CLNK: variants seen among roughly 807,000 people sequenced by gnomAD.
CLNK encodes the protein cytokine dependent hematopoietic cell linker.
CLNK carries 74 observed loss-of-function variants against 68.6 expected under a neutral mutation model. The ratio of observed to expected loss-of-function variants is 1.08; its 90% CI spans 0.89 to 1.31. CLNK has a LOEUF of 1.31. Among genes scored for constraint, CLNK ranks in the 50% most tolerant of loss-of-function variants. CLNK has a pLI of 0.00. For missense variants in CLNK, 553 were observed against 515.3 expected (o/e 1.07, Z -0.71); for synonymous variants, 198 against 172.2 (o/e 1.15, Z -1.17).
intron 1 of CLNK, among the ~76,000 whole-genome samples, chr4:10,668,646 G>A (rs1724505023): frequency 6.6e-6 from 1 of 152,192 alleles, no homozygotes; most frequent in African/African-American, 2.4e-5. Flanking sequence ...TCTGGGAGTG[G>A]TAACAAAAGG....
At chr4:10,621,906 T>C (rs1722474473) in intron 2 of CLNK, among the ~76,000 whole-genome samples, 1 of 152,216 alleles carries the variant, frequency 6.6e-6, no homozygotes, top group Admixed American at 6.5e-5. Context: ...GGATCAGCAC[T>C]GTGCCATTTA....
At chr4:10,642,093 A>G (rs189497686) in intron 2 of CLNK, among the ~76,000 whole-genome samples, 1 of 152,212 alleles carries the variant, frequency 6.6e-6, no homozygotes. Flanking sequence ...ACACCTACCT[A>G]ATGTATGAGA....
chr4:10,691,664 A>G, the CLNK span, among the ~76,000 whole-genome samples: 1 of 152,086 alleles, frequency 6.6e-6, no homozygotes, highest in Non-Finnish European at 1.5e-5. Flanking sequence ...GGTTAAAAAC[A>G]CTGTAGTATT....
intron 3 of CLNK, among the ~76,000 whole-genome samples, chr4:10,586,771 C>T (rs1720984546): frequency 6.6e-6 from 1 of 152,166 alleles, no homozygotes. Flanking sequence ...AAGTGCTCGT[C>T]TCACTGTATC....
intron 8 of CLNK, among the ~76,000 whole-genome samples, 156 bp from the exon 9 acceptor site, chr4:10,542,436 C>G (rs961021935): frequency 6.6e-6 from 1 of 152,048 alleles, no homozygotes; most frequent in Non-Finnish European, 1.5e-5. Context: ...CAGAATAATG[C>G]TAAACTCTTT....
chr4:10,727,956 C>G, the CLNK span, among the ~76,000 whole-genome samples: 1 of 152,164 alleles, frequency 6.6e-6, no homozygotes. Flanking sequence ...ATTCTGCATA[C>G]TGTGCTCAAG....
chr4:10,620,103 G>A (rs1409458927), intron 2 of CLNK, among the ~76,000 whole-genome samples: 16 of 152,152 alleles, frequency 1.1e-4, no homozygotes. Context: ...TCAAGAAAAG[G>A]GGAGAGAACT....
intron 2 of CLNK, among the ~76,000 whole-genome samples, chr4:10,659,063 G>A (rs914078853): frequency 3.9e-5 from 6 of 152,132 alleles, no homozygotes; most frequent in African/African-American, 1.4e-4. Flanking sequence ...AATGAGCTGG[G>A]CATGGTGGTA....
the CLNK span, among the ~76,000 whole-genome samples, chr4:10,710,517 C>T: frequency 2.0e-5 from 3 of 152,194 alleles, no homozygotes; most frequent in Admixed American, 1.3e-4. Flanking sequence ...GATTATGTGC[C>T]AGACACTGTG....
chr4:10,552,504 C>T (rs1719502490), intron 8 of CLNK, among the ~76,000 whole-genome samples: 1 of 152,150 alleles, frequency 6.6e-6, no homozygotes, highest in African/African-American at 2.4e-5. Flanking sequence ...GCATGCGTGT[C>T]TGACACCCAT....
At chr4:10,734,270 C>T in the CLNK span, among the ~76,000 whole-genome samples, 30 of 152,336 alleles carry the variant, frequency 2.0e-4, no homozygotes, top group African/African-American at 6.7e-4. Context: ...TTGTTGCATG[C>T]AATGCTATAA....
At chr4:10,545,712 C>G (rs1719201419) in intron 8 of CLNK, among the ~76,000 whole-genome samples, 1 of 152,170 alleles carries the variant, frequency 6.6e-6, no homozygotes, top group Non-Finnish European at 1.5e-5. Flanking sequence ...TTGCATGTCT[C>G]CACTCCTGTG....
At chr4:10,620,934 C>T (rs1722424463) in intron 2 of CLNK, among the ~76,000 whole-genome samples, 1 of 118,490 alleles carries the variant, frequency 8.4e-6, no homozygotes, top group African/African-American at 2.9e-5. Context: ...AGCCCCGTCT[C>T]TACTAAAAAT....
intron 2 of CLNK, among the ~76,000 whole-genome samples, chr4:10,631,790 G>C (rs1722900292): frequency 6.6e-6 from 1 of 152,236 alleles, no homozygotes; most frequent in African/African-American, 2.4e-5. Context: ...GCAACTCTAT[G>C]ACATAGAAGT....
At chr4:10,689,063 T>C (rs953498522), upstream of CLNK, among the ~76,000 whole-genome samples, 2 of 152,074 alleles carry the variant, frequency 1.3e-5, no homozygotes, top group Non-Finnish European at 2.9e-5. Context: ...AAATAAAAGA[T>C]GGCAAAACCT....
chr4:10,537,417 G>T (rs1425735897), intron 11 of CLNK, among the ~76,000 whole-genome samples: 4 of 152,176 alleles, frequency 2.6e-5, no homozygotes, highest in Admixed American at 2.6e-4. Flanking sequence ...GGCAGAGGTT[G>T]CAGTGAGCTG....
intron 7 of CLNK, 140 bp downstream of exon 7, chr4:10,564,531 G>A: frequency 1.6e-6 from 1 of 643,072 alleles, no homozygotes; most frequent in South Asian, 1.8e-5. Context: ...AGTCATAAGA[G>A]TCACCTCCCA....
chr4:10,554,201 G>A (rs981677719), intron 8 of CLNK, among the ~76,000 whole-genome samples: 3 of 152,172 alleles, frequency 2.0e-5, no homozygotes, highest in Non-Finnish European at 4.4e-5. Flanking sequence ...AACTGGGATG[G>A]TTGATTCCAG....
chr4:10,708,352 T>C, the CLNK span, among the ~76,000 whole-genome samples: 1 of 152,246 alleles, frequency 6.6e-6, no homozygotes, highest in Non-Finnish European at 1.5e-5. Flanking sequence ...TATTAACTTG[T>C]TTAATCTTCT....
Sources: allele counts gnomAD v4.1 joint callset (sites outside exome capture counted in the v4.1 genomes callset), GRCh38; gene constraint gnomAD v4.1.1; transcripts MANE v1.5; gene names NCBI Gene and HGNC (gene_info 2026-07-23, HGNC 2026-07-21).